DMTN: variants seen among roughly 807,000 people sequenced by gnomAD.
DMTN encodes dematin actin binding protein, also known as dematin.
A neutral mutation model predicts 59.4 loss-of-function variants in DMTN; 27 were observed. The observed-to-expected ratio is 0.45, with a 90% CI of 0.33 to 0.63. DMTN has a LOEUF of 0.63. Among genes scored for constraint, DMTN ranks in the 20% least tolerant of loss-of-function variants. The probability of loss-of-function intolerance (pLI) is 0.02; values close to 1 mark genes in which losing one functional copy is unlikely to be tolerated. For missense variants in DMTN, 451 were observed against 528.9 expected (o/e 0.85, Z 1.45); for synonymous variants, 221 against 203.7 (o/e 1.08, Z -0.72).
rs952040867 is a variant in DMTN, at chr8:22,067,184, C to T, written c.93+25C>T. ...GGTGAGTACCCCTCTCGGCCACCAG[C>T]AACCCCTGGCTGGGAGGGGGGAGGG... On this transcript the variant is annotated intron_variant, in intron 3 of 15. Coordinates refer to ENST00000358242, the MANE Select transcript of DMTN (RefSeq NM_001387751.1). The T allele has an allele frequency of 3.1e-6, 5 of 1,606,158 alleles. No individual in the cohort carries two copies. The African/African-American group carries it at 6.7e-5, about 22-fold the overall frequency.
chr8:22,069,029 C>G lies in DMTN; in HGVS notation c.263C>G (p.Pro88Arg). The G allele has an allele frequency of 6.2e-7, 1 of 1,612,948 alleles. No homozygotes were observed. Among genetic ancestry groups the G allele is most frequent in the Non-Finnish European group, 8.5e-7 (1 of 1,179,426 alleles). ...CTCCATTCACAGCGCTCGCTGTCACCCAAATCCACATCCCCCCCACCATCC... is the reference window on the plus strand; with the variant it reads ...CTCCATTCACAGCGCTCGCTGTCACGCAAATCCACATCCCCCCCACCATCC... ...LPRSRERSLS[P>R]KSTSPPPSPE... The change falls in exon 5 of 16, where the codon CCC becomes CGC. Residue 88 changes from proline (P) to arginine (R), a missense_variant. Physicochemically the swap from Pro to Arg is moderately radical, Grantham distance 103. Transcript: ENST00000358242.
chr8:22,070,904 A>G (rs1158921649), intron 8 of DMTN, among the ~76,000 whole-genome samples: 2 of 152,130 alleles, frequency 1.3e-5, no homozygotes, highest in Non-Finnish European at 2.9e-5. Flanking sequence ...CCCACTCATG[A>G]GTGAGAACAT....
In DMTN at chr8:22,082,352, A is replaced by G. The variant is rs1824716395; in HGVS notation, c.*889A>G. 5.0e-6 allele frequency: 2 copies of G among 402,130 alleles called. No individual in the cohort carries two copies. Among genetic ancestry groups the G allele is most frequent in the Non-Finnish European group, 1.0e-5 (2 of 198,470 alleles). 24.9% of individuals were successfully genotyped at this position (402,130 alleles called of 1,614,324 possible). Reference sequence around the variant, plus strand: ...TCCTCACCTGCCCCTGCCCTACCTTACACCCCCAGCTTGACTTCTTTCCAG... The same window carrying G: ...TCCTCACCTGCCCCTGCCCTACCTTGCACCCCCAGCTTGACTTCTTTCCAG... On this transcript the variant is annotated 3_prime_UTR_variant, in exon 16 of 16. Transcript: ENST00000358242.
intron 3 of DMTN, 65 bp downstream of exon 3, chr8:22,067,224 C>T: frequency 6.5e-7 from 1 of 1,545,200 alleles, no homozygotes; most frequent in Admixed American, 1.8e-5. Context: ...GGACCCCTGG[C>T]TGCTAGCGTG....
rs773436612 is a variant in DMTN at position 22,081,330 on chromosome 8, GC to G, written c.1105-16del. ...GCCCCCTCCCCCTCCATGCTGAGCT[GC>G]CCCGATTCCCCCATGTAGAGGCATC... On this transcript the variant is annotated intron_variant, in intron 15 of 15. Coordinates refer to ENST00000358242, the MANE Select transcript of DMTN (RefSeq NM_001387751.1). 6.2e-7 allele frequency: 1 copy of G among 1,611,126 alleles called. No homozygotes were observed. Among genetic ancestry groups the G allele is most frequent in the South Asian group, 1.1e-5 (1 of 90,998 alleles).
chr8:22,082,216 C>G lies in DMTN; in HGVS notation c.*753C>G, dbSNP rs1160697132. ...CCTTGGATGGGGTCAAGAGGCCAGG[C>G]CTGGCACATTTTGGAGTGTCCTGGC... On this transcript the variant is annotated 3_prime_UTR_variant, in exon 16 of 16. Transcript: ENST00000358242. 4 of 456,858 alleles carry G rather than the reference C, an allele frequency of 8.8e-6. No homozygotes were observed. Among genetic ancestry groups the G allele is most frequent in the African/African-American group, 8.0e-5 (4 of 50,084 alleles). The allele number at this position is 456,858 out of a possible 1,614,324, so 28.3% of individuals were successfully genotyped here.
At chr8:22,069,698 GC>G (rs1283157666) in intron 6 of DMTN, among the ~76,000 whole-genome samples, 180 bp downstream of exon 6, 3 of 152,094 alleles carry the variant, frequency 2.0e-5, no homozygotes. Flanking sequence ...CTCTCCCCCA[GC>G]CGGAAAAGTG....
In DMTN at chr8:22,064,649, A is replaced by G. The variant is rs540708851; in HGVS notation, c.-171-2056A>G. 1.0e-3 allele frequency among the ~76,000 whole-genome samples: 159 copies of G among 152,262 alleles called. 1 individual carries two copies. The highest frequency in any genetic ancestry group is 1.5e-3 in the Non-Finnish European group (99 of 68,006). ...AATTTTTTGTATTTTTAGTAGAGAC[A>G]GGGTTTCACTGTGTTAGCCAGGATG... On this transcript the variant is annotated intron_variant, in intron 1 of 15. Coordinates refer to ENST00000358242, the MANE Select transcript of DMTN (RefSeq NM_001387751.1).
At chr8:22,052,710 A>C (rs1180554299), upstream of DMTN, among the ~76,000 whole-genome samples, 1 of 152,164 alleles carries the variant, frequency 6.6e-6, no homozygotes, top group Non-Finnish European at 1.5e-5. Flanking sequence ...CAAAGAGGGA[A>C]AGGGGAGATA....
rs1420116656 is a variant in DMTN, at chr8:22,082,044, C to T, written c.*581C>T. The T allele has an allele frequency of 2.2e-6, 1 of 456,806 alleles. No homozygotes were observed. The highest frequency in any genetic ancestry group is 2.0e-5 in the African/African-American group (1 of 50,096). The allele number at this position is 456,806 out of a possible 1,614,324, so 28.3% of individuals were successfully genotyped here. A position where few individuals can be genotyped will look rare whatever the true frequency, so the allele number is the denominator to read the frequency against. On this transcript the variant is annotated 3_prime_UTR_variant, in exon 16 of 16. Coordinates refer to ENST00000358242, the MANE Select transcript of DMTN (RefSeq NM_001387751.1). ...AAACCCCGAGCTTCCAAGCCTTTTGCTCCAGCCCTGCGGCTTCCCCAGAAG... is the reference window on the plus strand; with the variant it reads ...AAACCCCGAGCTTCCAAGCCTTTTGTTCCAGCCCTGCGGCTTCCCCAGAAG...
chr8:22,050,436 C>T (rs1439338469), upstream of DMTN, among the ~76,000 whole-genome samples: 1 of 152,198 alleles, frequency 6.6e-6, no homozygotes, highest in African/African-American at 2.4e-5. Context: ...CGGCCCACCC[C>T]TGCCCCTCCC....
chr8:22,079,269 A>ATATATATATATATATATAT (rs1554562269), intron 10 of DMTN, among the ~76,000 whole-genome samples: 3 of 21,206 alleles, frequency 1.4e-4, no homozygotes, highest in African/African-American at 3.3e-4. Context: ...TAAATAAATA[A>ATATATATATATATATATAT]ATAAATAAAT....
upstream of DMTN, among the ~76,000 whole-genome samples, chr8:22,052,689 T>C (rs999082871): frequency 6.6e-6 from 1 of 152,104 alleles, no homozygotes; most frequent in African/African-American, 2.4e-5. Flanking sequence ...CTTTTTTTTT[T>C]CGTACGTCCC....
chr8:22,049,576 C>A (rs1177804161), upstream of DMTN, among the ~76,000 whole-genome samples: 4 of 150,358 alleles, frequency 2.7e-5, no homozygotes, highest in African/African-American at 4.9e-5. Flanking sequence ...ACAACCCCCC[C>A]CCCCCGCCAC....
At chr8:22,067,769 C>A in intron 4 of DMTN, 87 bp downstream of exon 4, 1 of 1,495,972 alleles carries the variant, frequency 6.7e-7, no homozygotes, top group South Asian at 1.2e-5. Flanking sequence ...TGCTTCCTTT[C>A]CTGGAGGTCT....
chr8:22,054,297 C>T (rs1253248616), upstream of DMTN, among the ~76,000 whole-genome samples: 6 of 149,410 alleles, frequency 4.0e-5, no homozygotes, highest in Non-Finnish European at 5.9e-5. Context: ...AGGGACATTC[C>T]GATAGAATGT....
intron 8 of DMTN, among the ~76,000 whole-genome samples, chr8:22,070,821 C>T (rs13277838): frequency 0.7 from 105,706 of 152,012 alleles, 39,883 homozygotes; most frequent in East Asian, 0.97. Flanking sequence ...CCCATCACCA[C>T]CCCCCACACC....
chr8:22,065,631 T>G (rs937489879), intron 1 of DMTN, among the ~76,000 whole-genome samples: 8 of 151,822 alleles, frequency 5.3e-5, no homozygotes, highest in Non-Finnish European at 1.2e-4. Flanking sequence ...TCACTTGAGG[T>G]CAGGAGTTCA....
chr8:22,067,839 G>A (rs901884027), intron 4 of DMTN, among the ~76,000 whole-genome samples, 157 bp downstream of exon 4: 3 of 152,228 alleles, frequency 2.0e-5, no homozygotes, highest in African/African-American at 7.2e-5. Flanking sequence ...TCCATCCGGT[G>A]TTCAAGAGAG....
Sources: allele counts gnomAD v4.1 joint callset (sites outside exome capture counted in the v4.1 genomes callset), GRCh38; gene constraint gnomAD v4.1.1; transcripts MANE v1.5; gene names NCBI Gene and HGNC (gene_info 2026-07-23, HGNC 2026-07-21).